Variants in ARID5B observed in about 807,000 individuals in gnomAD.
The protein encoded by ARID5B is AT-rich interaction domain 5B.
ARID5B carries 13 observed loss-of-function variants against 97.2 expected under a neutral mutation model. The observed-to-expected ratio is 0.13, with a 90% CI of 0.09 to 0.21. The LOEUF is 0.21. Ranked by LOEUF, ARID5B falls within the 10% of genes least tolerant of loss-of-function variation. ARID5B has a pLI of 1.00. For missense variants in ARID5B, 1,210 were observed against 1,465.3 expected (o/e 0.83, Z 2.84); for synonymous variants, 556 against 570.3 (o/e 0.97, Z 0.36).
intron 2 of ARID5B, among the ~76,000 whole-genome samples, chr10:61,910,526 A>G (rs1843783857): frequency 6.6e-6 from 1 of 152,198 alleles, no homozygotes; most frequent in Non-Finnish European, 1.5e-5. Flanking sequence ...AAGAATCTAC[A>G]CTGCACAAAT....
At chr10:61,975,137 G>A (rs1838681945) in intron 3 of ARID5B, among the ~76,000 whole-genome samples, 1 of 152,144 alleles carries the variant, frequency 6.6e-6, no homozygotes, top group East Asian at 1.9e-4. Flanking sequence ...AAAATGCAAA[G>A]CAGCTGTGCA....
At chr10:62,048,727 T>TA (rs1251663133) in intron 4 of ARID5B, among the ~76,000 whole-genome samples, 1 of 152,220 alleles carries the variant, frequency 6.6e-6, no homozygotes, top group Non-Finnish European at 1.5e-5. Flanking sequence ...TGCCTTTATT[T>TA]AAAAACAGCA....
intron 3 of ARID5B, among the ~76,000 whole-genome samples, chr10:61,991,073 C>CACACACACAG (rs1554842863): frequency 1.3e-5 from 2 of 150,504 alleles, no homozygotes; most frequent in African/African-American, 4.9e-5. Context: ...CACACACACA[C>CACACACACAG]CAAATTTTGT....
chr10:62,015,389 C>A (rs768963771), intron 4 of ARID5B, among the ~76,000 whole-genome samples: 4 of 152,196 alleles, frequency 2.6e-5, no homozygotes, highest in Non-Finnish European at 4.4e-5. Flanking sequence ...GGGATTCAAA[C>A]CCTGCTCTTA....
At chr10:61,916,439 C>T (rs1037343398) in intron 2 of ARID5B, among the ~76,000 whole-genome samples, 1 of 152,022 alleles carries the variant, frequency 6.6e-6, no homozygotes, top group Non-Finnish European at 1.5e-5. Flanking sequence ...ATATAAAATG[C>T]CAACCCCTCA....
intron 3 of ARID5B, among the ~76,000 whole-genome samples, chr10:61,994,767 T>C (rs1589250638): frequency 7.4e-6 from 1 of 135,282 alleles, no homozygotes; most frequent in East Asian, 2.2e-4. Context: ...AAATTGACAT[T>C]GAGAGAGGTT....
chr10:62,018,570 C>T (rs1325779722), intron 4 of ARID5B, among the ~76,000 whole-genome samples: 4 of 149,808 alleles, frequency 2.7e-5, no homozygotes, highest in Non-Finnish European at 5.9e-5. Flanking sequence ...GCATGAGACG[C>T]GTTCCTGACC....
At chr10:61,929,583 T>C (rs1166345147) in intron 2 of ARID5B, among the ~76,000 whole-genome samples, 1 of 152,228 alleles carries the variant, frequency 6.6e-6, no homozygotes, top group African/African-American at 2.4e-5. Flanking sequence ...CTTATCATGG[T>C]ACAGACGTAG....
chr10:62,089,142 A>G (rs184498414), intron 9 of ARID5B, among the ~76,000 whole-genome samples: 1 of 152,288 alleles, frequency 6.6e-6, no homozygotes, highest in East Asian at 1.9e-4. Context: ...TTCCCTTGCC[A>G]TACTCATTTG....
At chr10:61,957,661 AAG>A (rs1197902649) in intron 3 of ARID5B, among the ~76,000 whole-genome samples, 1 of 152,258 alleles carries the variant, frequency 6.6e-6, no homozygotes. Flanking sequence ...TAGTATGAAA[AAG>A]AATATATATC....
intron 2 of ARID5B, among the ~76,000 whole-genome samples, chr10:61,923,341 C>T (rs567663633): frequency 6.6e-6 from 1 of 152,246 alleles, no homozygotes; most frequent in Non-Finnish European, 1.5e-5. Flanking sequence ...TCCCCGCTTC[C>T]ACCCCTTGCC....
rs571238058 is a variant in ARID5B, at chr10:61,909,160, G to A, written c.276+6747G>A. ...GTCCAGTGGTTGGTTGTAACCTGTCGTGCACTTTATACCTTGTGCCTTATA... is the reference window on the plus strand; with the variant it reads ...GTCCAGTGGTTGGTTGTAACCTGTCATGCACTTTATACCTTGTGCCTTATA... On this transcript the variant is annotated intron_variant, in intron 2 of 9. Transcript: ENST00000279873. Among the ~76,000 whole-genome samples, 17 of 152,052 alleles carry A rather than the reference G, an allele frequency of 1.1e-4. No homozygotes were observed. In the East Asian group the frequency reaches 3.1e-3, roughly 28 times the overall value.
chr10:62,048,038 G>C (rs1226665876), intron 4 of ARID5B, among the ~76,000 whole-genome samples: 1 of 152,126 alleles, frequency 6.6e-6, no homozygotes, highest in Non-Finnish European at 1.5e-5. Context: ...TTGGTTTCCT[G>C]TCTCCATTCC....
intron 3 of ARID5B, among the ~76,000 whole-genome samples, chr10:61,968,381 C>T (rs1161138426): frequency 2.0e-5 from 3 of 151,382 alleles, no homozygotes; most frequent in Non-Finnish European, 4.4e-5. Context: ...TACACATAAT[C>T]GTTTTTGCCT....
At chr10:62,007,491 T>G (rs919019599) in intron 4 of ARID5B, among the ~76,000 whole-genome samples, 1 of 152,170 alleles carries the variant, frequency 6.6e-6, no homozygotes, top group Admixed American at 6.5e-5. Flanking sequence ...AGTGACAAAA[T>G]GTGAGATAAC....
chr10:62,039,242 G>A (rs1035447598), intron 4 of ARID5B, among the ~76,000 whole-genome samples: 3 of 152,160 alleles, frequency 2.0e-5, no homozygotes, highest in Admixed American at 6.5e-5. Context: ...TGGTACATAG[G>A]TTGAAACCGC....
At chr10:61,969,220 T>C (rs1017436531) in intron 3 of ARID5B, among the ~76,000 whole-genome samples, 3 of 152,196 alleles carry the variant, frequency 2.0e-5, no homozygotes, top group African/African-American at 7.2e-5. Context: ...ACTTCTCATA[T>C]TGGAAGATAC....
At chr10:61,973,077 C>A (rs1838651162) in intron 3 of ARID5B, among the ~76,000 whole-genome samples, 1 of 152,164 alleles carries the variant, frequency 6.6e-6, no homozygotes. Context: ...TAAGAGAGCT[C>A]CTGATCATTC....
chr10:61,949,549 A>C (rs1838293973), intron 3 of ARID5B, among the ~76,000 whole-genome samples: 1 of 152,160 alleles, frequency 6.6e-6, no homozygotes, highest in Non-Finnish European at 1.5e-5. Context: ...AGGCAGGAGA[A>C]TCACTTGAAC....
Sources: gnomAD v4.1 joint callset for allele counts (sites outside exome capture counted in the v4.1 genomes callset) on GRCh38, gnomAD v4.1.1 for gene constraint, MANE v1.5 for transcripts, NCBI Gene and HGNC (gene_info 2026-07-23, HGNC 2026-07-21) for gene names.